Variants in BANK1 observed in about 807,000 individuals in gnomAD.
The protein encoded by BANK1 is B-cell scaffold protein with ankyrin repeats.
BANK1 carries 95 observed loss-of-function variants against 94.5 expected under a neutral mutation model. The ratio of observed to expected loss-of-function variants is 1.00; its 90% CI spans 0.85 to 1.19. The LOEUF is 1.19. BANK1 is among the 50% of genes most tolerant of loss of function. The probability of loss-of-function intolerance (pLI) is 0.00; values close to 1 mark genes in which losing one functional copy is unlikely to be tolerated. For missense variants in BANK1, 987 were observed against 932.2 expected, an observed-to-expected ratio of 1.06 and a Z score of -0.77; for synonymous variants, 334 against 308.4, an observed-to-expected ratio of 1.08 and a Z score of -0.87.
In BANK1 at chr4:101,977,652, T is replaced by G. The variant is rs566163458; in HGVS notation, c.1207-43862T>G. Among the ~76,000 whole-genome samples the G allele has an allele frequency of 1.4e-4, 21 of 152,116 alleles. 1 individual carries two copies. Among genetic ancestry groups the G allele is most frequent in the Admixed American group, 3.3e-4 (5 of 15,248 alleles). On this transcript the variant is annotated intron_variant, in intron 7 of 16. Transcript: ENST00000322953. ...TCTGAGTTCTTCTAATTTCTTTCTT[T>G]CATGTATTTTCTGACCTTATATCAA...
At chr4:102,009,426 T>C (rs1343161231) in intron 7 of BANK1, among the ~76,000 whole-genome samples, 1 of 152,220 alleles carries the variant, frequency 6.6e-6, no homozygotes, top group Admixed American at 6.5e-5. Context: ...CCTCTACTCC[T>C]GCTTTTGAAT....
chr4:101,911,333 T>A (rs1722655458), intron 6 of BANK1, among the ~76,000 whole-genome samples: 1 of 152,236 alleles, frequency 6.6e-6, no homozygotes, highest in Non-Finnish European at 1.5e-5. Flanking sequence ...TTTTCCTGCC[T>A]AATTATATAA....
intron 7 of BANK1, among the ~76,000 whole-genome samples, chr4:102,011,506 C>A (rs980664555): frequency 6.6e-6 from 1 of 152,006 alleles, no homozygotes; most frequent in African/African-American, 2.4e-5. Context: ...ATAGCAACAC[C>A]CTTCGCGCCT....
chr4:102,063,818 CAAA>C (rs1205075236), intron 13 of BANK1, among the ~76,000 whole-genome samples: 5 of 71,342 alleles, frequency 7.0e-5, no homozygotes, highest in Non-Finnish European at 2.9e-5. Context: ...GACTCTATCT[CAAA>C]AAAAAAAAAA....
chr4:101,937,781 C>T (rs1261598074), intron 7 of BANK1, among the ~76,000 whole-genome samples: 1 of 151,896 alleles, frequency 6.6e-6, no homozygotes, highest in Non-Finnish European at 1.5e-5. Context: ...TATGAAGACA[C>T]ATGCACACAT....
chr4:101,826,991 A>T (rs1292486845), intron 1 of BANK1, among the ~76,000 whole-genome samples: 1 of 152,000 alleles, frequency 6.6e-6, no homozygotes, highest in Non-Finnish European at 1.5e-5. Context: ...TAGAAAATAC[A>T]TGCTCTGTTT....
chr4:101,828,383 T>TTATATATATATATATATATATATATA (rs60877981), intron 1 of BANK1, among the ~76,000 whole-genome samples: 3 of 142,124 alleles, frequency 2.1e-5, no homozygotes, highest in African/African-American at 7.7e-5. Context: ...ATGAGTGAAT[T>TTATATATATATATATATATATATATA]TATATATATA....
intron 6 of BANK1, among the ~76,000 whole-genome samples, chr4:101,899,102 G>A (rs543039416): frequency 6.6e-6 from 1 of 151,904 alleles, no homozygotes; most frequent in East Asian, 1.9e-4. Context: ...TGTTCCGTTT[G>A]CATTTTAAAC....
intron 2 of BANK1, among the ~76,000 whole-genome samples, chr4:101,833,743 A>T (rs571083224): frequency 5.9e-5 from 9 of 152,184 alleles, no homozygotes; most frequent in Non-Finnish European, 1.0e-4. Flanking sequence ...TCTAAGTAGG[A>T]CATTTGCATA....
intron 7 of BANK1, among the ~76,000 whole-genome samples, chr4:102,018,882 G>A (rs534375644): frequency 5.2e-4 from 77 of 148,942 alleles, no homozygotes; most frequent in African/African-American, 1.7e-3. Context: ...GCAGTGGTGC[G>A]ATCTCGGCTC....
chr4:101,844,606 C>G (rs1049801956), intron 2 of BANK1, among the ~76,000 whole-genome samples: 10 of 152,208 alleles, frequency 6.6e-5, no homozygotes, highest in African/African-American at 1.9e-4. Context: ...TGGAGTCAGA[C>G]AGACCTGGGT....
chr4:102,045,250 T>TA (rs937734147), intron 11 of BANK1, among the ~76,000 whole-genome samples: 19 of 152,104 alleles, frequency 1.2e-4, no homozygotes, highest in African/African-American at 4.6e-4. Flanking sequence ...CGCTTCATGC[T>TA]AAAAAATCTC....
intron 7 of BANK1, among the ~76,000 whole-genome samples, chr4:101,934,948 G>A (rs1046262375): frequency 6.6e-6 from 1 of 151,426 alleles, no homozygotes; most frequent in African/African-American, 2.4e-5. Context: ...TTCTTCATGA[G>A]GTCTCCTCTG....
chr4:101,829,729 A>G (rs977985845), intron 1 of BANK1, 79 bp from the exon 2 acceptor site: 4 of 885,378 alleles, frequency 4.5e-6, no homozygotes, highest in Non-Finnish European at 6.6e-6. Context: ...CCTAGTGAGC[A>G]TATTAAAATT....
intron 1 of BANK1, among the ~76,000 whole-genome samples, chr4:101,820,448 T>A (rs1284116606): frequency 2.6e-5 from 4 of 152,186 alleles, no homozygotes; most frequent in Non-Finnish European, 5.9e-5. Context: ...TTGCCTCAAG[T>A]GAAGTTTTTA....
At chr4:102,055,687 C>A (rs963373409) in intron 11 of BANK1, among the ~76,000 whole-genome samples, 1 of 151,806 alleles carries the variant, frequency 6.6e-6, no homozygotes, top group East Asian at 1.9e-4. Context: ...ATTAGTTTGG[C>A]GACATCATGA....
At chr4:101,875,449 T>C (rs1728453153) in intron 5 of BANK1, among the ~76,000 whole-genome samples, 1 of 151,704 alleles carries the variant, frequency 6.6e-6, no homozygotes, top group African/African-American at 2.4e-5. Flanking sequence ...ACAATCATGG[T>C]GGAAGATGAA....
intron 3 of BANK1, among the ~76,000 whole-genome samples, chr4:101,861,135 G>T (rs1015223135): frequency 3.9e-5 from 6 of 152,178 alleles, no homozygotes; most frequent in African/African-American, 9.7e-5. Flanking sequence ...CTTTGAAATA[G>T]GATCCTTTCC....
chr4:102,064,400 ATAAT>A (rs1333399245), intron 13 of BANK1, among the ~76,000 whole-genome samples: 1 of 152,218 alleles, frequency 6.6e-6, no homozygotes, highest in Non-Finnish European at 1.5e-5. Flanking sequence ...AGTTATATAA[ATAAT>A]TTTACCAAGG....
Sources: gnomAD v4.1 joint callset for allele counts (sites outside exome capture counted in the v4.1 genomes callset) on GRCh38, gnomAD v4.1.1 for gene constraint, MANE v1.5 for transcripts, NCBI Gene and HGNC (gene_info 2026-07-23, HGNC 2026-07-21) for gene names.